PRSS12: variants seen among roughly 807,000 people sequenced by gnomAD.
The protein encoded by PRSS12 is serine protease 12, also known as neurotrypsin.
In PRSS12, 85 loss-of-function variants were observed where a neutral mutation model predicts 104.4. The observed-to-expected ratio is 0.81, with a 90% CI of 0.68 to 0.98. The LOEUF is 0.98. Ranked by LOEUF, PRSS12 falls within the 50% of genes least tolerant of loss-of-function variation. The pLI, the probability that PRSS12 is intolerant of heterozygous loss-of-function variation, is 0.00. For synonymous variants in PRSS12, 454 were observed against 425.2 expected, an observed-to-expected ratio of 1.07 and a Z score of -0.83; for missense variants, 1,141 against 1,139.2, an observed-to-expected ratio of 1.00 and a Z score of -0.02.
At chr4:118,342,532 TTAAGAA>T (rs1724242331) in intron 1 of PRSS12, among the ~76,000 whole-genome samples, 2 of 152,242 alleles carry the variant, frequency 1.3e-5, no homozygotes, top group South Asian at 4.1e-4. Context: ...TTAAAATGCG[TTAAGAA>T]TAATAATTTA....
chr4:118,308,734 T>C (rs1262169284), intron 7 of PRSS12, among the ~76,000 whole-genome samples, 157 bp from the exon 8 acceptor site: 1 of 152,232 alleles, frequency 6.6e-6, no homozygotes, highest in African/African-American at 2.4e-5. Context: ...ATAAAAATTT[T>C]ATCCACTTTT....
intron 8 of PRSS12, among the ~76,000 whole-genome samples, chr4:118,307,910 A>C (rs998607199): frequency 6.6e-6 from 1 of 152,198 alleles, no homozygotes; most frequent in African/African-American, 2.4e-5. Context: ...AAAAAAAAAA[A>C]ATTGGCACCA....
intron 5 of PRSS12, among the ~76,000 whole-genome samples, chr4:118,317,627 T>C (rs1195730237): frequency 1.3e-5 from 2 of 152,246 alleles, no homozygotes; most frequent in Non-Finnish European, 2.9e-5. Context: ...GGTGTATTAA[T>C]GTGTTAATCT....
chr4:118,340,441 T>C (rs562891488), intron 1 of PRSS12, among the ~76,000 whole-genome samples: 1 of 152,314 alleles, frequency 6.6e-6, no homozygotes, highest in East Asian at 1.9e-4. Context: ...TTCCTAACAG[T>C]GTCCTCCACA....
At chr4:118,310,407 T>C (rs1743678352) in intron 7 of PRSS12, among the ~76,000 whole-genome samples, 1 of 152,202 alleles carries the variant, frequency 6.6e-6, no homozygotes. Flanking sequence ...AAATAATGCA[T>C]ACAATATTTC....
At chr4:118,321,138 T>C (rs929693854) in intron 4 of PRSS12, among the ~76,000 whole-genome samples, 4 of 152,138 alleles carry the variant, frequency 2.6e-5, no homozygotes, top group African/African-American at 9.7e-5. Context: ...CACAAAGGAA[T>C]CCTAACACAA....
chr4:118,296,288 C>G (rs1053275777), intron 9 of PRSS12, among the ~76,000 whole-genome samples: 1 of 152,170 alleles, frequency 6.6e-6, no homozygotes, highest in Non-Finnish European at 1.5e-5. Context: ...AAATGTAACT[C>G]AGAAGAGCAA....
intron 6 of PRSS12, among the ~76,000 whole-genome samples, 154 bp from the exon 7 acceptor site, chr4:118,313,551 T>C (rs889329893): frequency 4.6e-5 from 7 of 152,218 alleles, no homozygotes; most frequent in Non-Finnish European, 8.8e-5. Context: ...TTTAGAGCTA[T>C]GTTCGCCCAG....
rs1264077056 is a variant in PRSS12, at chr4:118,292,539, A to G, written c.2039+2400T>C. Among the ~76,000 whole-genome samples the G allele has an allele frequency of 2.1e-4, 32 of 152,238 alleles. 1 individual carries two copies. Among genetic ancestry groups the G allele is most frequent in the Non-Finnish European group, 1.5e-5 (1 of 68,036 alleles). Reference sequence around the variant, plus strand: ...ATAACTACATAGTAAACTCTGTAACAGCAAGGATTCTATCTGACTTGTTCT... The same window carrying G: ...ATAACTACATAGTAAACTCTGTAACGGCAAGGATTCTATCTGACTTGTTCT... On this transcript the variant is annotated intron_variant, in intron 11 of 12. Coordinates refer to ENST00000296498, the MANE Select transcript of PRSS12 (RefSeq NM_003619.4).
intron 9 of PRSS12, among the ~76,000 whole-genome samples, chr4:118,297,187 A>G (rs745931256): frequency 6.6e-6 from 1 of 152,216 alleles, no homozygotes; most frequent in Non-Finnish European, 1.5e-5. Context: ...CAACTGGTTA[A>G]TATGCCAGAT....
intron 1 of PRSS12, 109 bp downstream of exon 1, chr4:118,352,110 A>T: frequency 6.7e-7 from 1 of 1,488,782 alleles, no homozygotes; most frequent in Non-Finnish European, 9.0e-7. Context: ...ACGCAAGCCC[A>T]CAACCCCACA....
At chr4:118,328,860 C>A (rs144267060) in intron 4 of PRSS12, among the ~76,000 whole-genome samples, 7,077 of 152,214 alleles carry the variant, frequency 0.046, 248 homozygotes, top group South Asian at 0.14. Flanking sequence ...GTGGTGCAAT[C>A]GTGGCTCACT....
intron 11 of PRSS12, among the ~76,000 whole-genome samples, chr4:118,284,192 G>A (rs1226981420): frequency 1.3e-5 from 2 of 152,050 alleles, no homozygotes; most frequent in African/African-American, 4.8e-5. Flanking sequence ...AAGCATCCCT[G>A]GCCCCTATTC....
intron 8 of PRSS12, chr4:118,303,336 T>G (rs961291899): frequency 6.6e-6 from 1 of 152,068 alleles, no homozygotes. Flanking sequence ...AAGTAAAATT[T>G]AACTCACTTA....
rs184248060 is a variant in PRSS12 at position 118,324,671 on chromosome 4, A to C, written c.972-6115T>G. On this transcript the variant is annotated intron_variant, in intron 4 of 12. Coordinates refer to ENST00000296498, the MANE Select transcript of PRSS12 (RefSeq NM_003619.4). ...CTATGTATTTTTAAATCCTCTCTGA[A>C]AACACCACTTGGTGCAAAGGACATG... 2.8e-3 allele frequency among the ~76,000 whole-genome samples: 423 copies of C among 152,156 alleles called. 2 individuals are homozygous for C. The highest frequency in any genetic ancestry group is 9.7e-3 in the African/African-American group (401 of 41,542).
intron 2 of PRSS12, among the ~76,000 whole-genome samples, chr4:118,337,825 G>T (rs1489409014): frequency 6.6e-6 from 1 of 151,720 alleles, no homozygotes; most frequent in Non-Finnish European, 1.5e-5. Flanking sequence ...ATAATTCTAA[G>T]AAATTATAAT....
intron 11 of PRSS12, among the ~76,000 whole-genome samples, chr4:118,287,313 T>A (rs1743036922): frequency 6.6e-6 from 1 of 152,136 alleles, no homozygotes. Flanking sequence ...GCTCACTAAT[T>A]TTCAAAAATT....
intron 8 of PRSS12, among the ~76,000 whole-genome samples, chr4:118,306,798 G>A (rs788655): frequency 0.85 from 128,715 of 152,094 alleles, 56,179 homozygotes; most frequent in South Asian, 0.95. Context: ...AATAACACAC[G>A]ACTACATGTG....
At position 118,335,605 on chromosome 4, in the gene PRSS12, T is replaced by C; in HGVS notation, c.688A>G (p.Ile230Val). The part of the protein sequence containing the change: ...KQTPFSGLGL[I>V]PIYWSNVRCR... ...CGGACATTGCTCCAATAAATGGGAA[T>C]AAGGCCCAGTCCAGAAAACGGGGTT... The change falls in exon 3 of 13, where the codon ATT (isoleucine) becomes GTT (valine). Residue 230 changes from isoleucine (I) to valine (V), a missense_variant. Physicochemically the swap from Ile to Val is conservative, Grantham distance 29. Transcript: ENST00000296498. 1.2e-6 allele frequency: 2 copies of C among 1,614,074 alleles called. No individual in the cohort carries two copies. The highest frequency in any genetic ancestry group is 1.3e-5 in the African/African-American group (1 of 75,030).
Sources: allele counts gnomAD v4.1 joint callset (sites outside exome capture counted in the v4.1 genomes callset), GRCh38; gene constraint gnomAD v4.1.1; transcripts MANE v1.5; gene names NCBI Gene and HGNC (gene_info 2026-07-23, HGNC 2026-07-21).